The following FAM53B variants were observed in gnomAD, a reference collection of about 807,000 sequenced individuals.
FAM53B encodes the protein protein FAM53B.
FAM53B carries 12 observed loss-of-function variants against 32.7 expected under a neutral mutation model. That is an observed-to-expected ratio of 0.37 (90% confidence interval 0.24 to 0.59). FAM53B has a LOEUF of 0.59. Among genes scored for constraint, FAM53B ranks in the 20% least tolerant of loss-of-function variants. The pLI, the probability that FAM53B is intolerant of heterozygous loss-of-function variation, is 0.72. For missense variants in FAM53B, 477 were observed against 577.7 expected, an observed-to-expected ratio of 0.83 and a Z score of 1.79; for synonymous variants, 234 against 228.7, an observed-to-expected ratio of 1.02 and a Z score of -0.21.
At position 124,654,785 on chromosome 10, in the gene FAM53B, A is replaced by G. The variant is rs1338979948; in HGVS notation, c.906+26822T>C. On this transcript the variant is annotated intron_variant, in intron 4 of 4. Transcript: ENST00000337318. ...GGGACCTTCTGCTCCCCCAGCTCTG[A>G]GTCCCTGGGTTTGTGAGCAGGCCCC... Among the ~76,000 whole-genome samples, 2 of 152,114 alleles carry G rather than the reference A, an allele frequency of 1.3e-5. 1 individual carries two copies. The highest frequency in any genetic ancestry group is 2.9e-5 in the Non-Finnish European group (2 of 68,002).
chr10:124,670,168 AC>A (rs1000004500), intron 4 of FAM53B, among the ~76,000 whole-genome samples: 1 of 150,204 alleles, frequency 6.7e-6, no homozygotes, highest in African/African-American at 2.4e-5. Context: ...GACACTCATC[AC>A]CATGAGAGGC....
At chr10:124,669,352 G>T (rs1159990232) in intron 4 of FAM53B, among the ~76,000 whole-genome samples, 3 of 152,186 alleles carry the variant, frequency 2.0e-5, no homozygotes, top group African/African-American at 7.2e-5. Context: ...GAACTAAAGC[G>T]CTCTTCCAGA....
chr10:124,684,137 A>G (rs1037030467), intron 3 of FAM53B, among the ~76,000 whole-genome samples: 6 of 152,270 alleles, frequency 3.9e-5, no homozygotes, highest in African/African-American at 1.4e-4. Context: ...GGACACTGGT[A>G]GAACTGTCCA....
chr10:124,650,189 G>A (rs916849368), intron 4 of FAM53B, among the ~76,000 whole-genome samples: 3 of 152,178 alleles, frequency 2.0e-5, no homozygotes, highest in Admixed American at 2.0e-4. Flanking sequence ...TGTAGGCTGT[G>A]CCCTGCTCCC....
intron 1 of FAM53B, among the ~76,000 whole-genome samples, chr10:124,715,046 C>G (rs905802357): frequency 4.6e-5 from 7 of 152,206 alleles, no homozygotes; most frequent in Non-Finnish European, 1.0e-4. Flanking sequence ...TCTGTCTTAA[C>G]CCCTGGACCC....
chr10:124,708,259 C>A (rs1949975087), intron 1 of FAM53B, among the ~76,000 whole-genome samples: 5 of 152,164 alleles, frequency 3.3e-5, no homozygotes, highest in Non-Finnish European at 7.4e-5. Flanking sequence ...GATTGTAAAT[C>A]ATGTTTTCCT....
intron 1 of FAM53B, among the ~76,000 whole-genome samples, chr10:124,736,365 G>C (rs770252992): frequency 6.6e-6 from 1 of 152,206 alleles, no homozygotes; most frequent in Non-Finnish European, 1.5e-5. Context: ...GCCACAGAGG[G>C]GCTTCCCCGC....
At chr10:124,629,763 T>A (rs1231989779) in intron 4 of FAM53B, among the ~76,000 whole-genome samples, 3 of 152,206 alleles carry the variant, frequency 2.0e-5, no homozygotes, top group African/African-American at 4.8e-5. Flanking sequence ...CTAGGCTTTT[T>A]AAAAAACTAT....
chr10:124,709,785 G>A (rs1447065761), intron 1 of FAM53B, among the ~76,000 whole-genome samples: 1 of 151,718 alleles, frequency 6.6e-6, no homozygotes, highest in Non-Finnish European at 1.5e-5. Flanking sequence ...AAGTGACAAA[G>A]GCAAGAAGAG....
In FAM53B at chr10:124,682,088, T is replaced by A; in HGVS notation, c.425A>T (p.Glu142Val). 6.2e-7 allele frequency: 1 copy of A among 1,613,770 alleles called. No individual in the cohort carries two copies. Among genetic ancestry groups the A allele is most frequent in the South Asian group, 1.1e-5 (1 of 91,064 alleles). The change falls in exon 4 of 5, where the codon GAA becomes GTA. Residue 142 changes from glutamate (E) to valine (V), a missense_variant. Transcript: ENST00000337318. This position sits in a 1 kb window ranked among gnomAD's most constrained non-coding sequence, Gnocchi z 5.2. ...PLGSKVWTPVEKRRCYSGGSV... is the reference protein window; with the variant it reads ...PLGSKVWTPVVKRRCYSGGSV... The stretch of plus-strand genomic sequence containing the variant: ...GCCCCCGCTGTAGCAGCGTCTCTTT[T>A]CCACGGGAGTCCAGACTTTGGAGCC...
intron 3 of FAM53B, among the ~76,000 whole-genome samples, chr10:124,694,579 A>G (rs535416561): frequency 2.4e-4 from 36 of 152,320 alleles, no homozygotes; most frequent in African/African-American, 8.4e-4. Context: ...GTTGACAGCT[A>G]AAGCCTAGGC....
chr10:124,642,189 C>T (rs61870502), intron 4 of FAM53B, among the ~76,000 whole-genome samples: 10,422 of 152,326 alleles, frequency 0.068, 508 homozygotes, highest in Non-Finnish European at 0.11. Context: ...TTCTGTCTCT[C>T]ACCCTCAAGA....
At chr10:124,667,892 C>T (rs1949682882) in intron 4 of FAM53B, among the ~76,000 whole-genome samples, 1 of 152,188 alleles carries the variant, frequency 6.6e-6, no homozygotes, top group Non-Finnish European at 1.5e-5. Flanking sequence ...CCTCATCAGG[C>T]TGCTTCACTC....
chr10:124,706,749 T>G lies in FAM53B; in HGVS notation c.-36A>C, dbSNP rs772412016. 3.7e-6 allele frequency: 6 copies of G among 1,613,734 alleles called. No individual in the cohort carries two copies. In the East Asian group the frequency reaches 1.3e-4, roughly 36 times the overall value. ...TCAGGCGCTGGGCTCCATCCCAGGGTGGGTATCAGCCATCTTCACTTGGGC... is the reference window on the plus strand; with the variant it reads ...TCAGGCGCTGGGCTCCATCCCAGGGGGGGTATCAGCCATCTTCACTTGGGC... On this transcript the variant is annotated 5_prime_UTR_variant, in exon 2 of 5. Coordinates refer to ENST00000337318, the MANE Select transcript of FAM53B (RefSeq NM_014661.4).
intron 4 of FAM53B, among the ~76,000 whole-genome samples, chr10:124,645,913 C>T (rs1949510066): frequency 6.6e-6 from 1 of 152,210 alleles, no homozygotes; most frequent in Admixed American, 6.5e-5. Flanking sequence ...AGCTCCACCC[C>T]ACACTGCATG....
At chr10:124,667,664 G>A (rs766928112) in intron 4 of FAM53B, among the ~76,000 whole-genome samples, 1 of 152,184 alleles carries the variant, frequency 6.6e-6, no homozygotes, top group Non-Finnish European at 1.5e-5. Flanking sequence ...TCCCAGCCCC[G>A]CCCGGGGTCA....
At position 124,623,248 on chromosome 10, in the gene FAM53B, C is replaced by A; in HGVS notation, c.1263G>T (p.Lys421Asn). The A allele has an allele frequency of 6.3e-7, 1 of 1,597,824 alleles. No individual in the cohort carries two copies. Among genetic ancestry groups the A allele is most frequent in the Non-Finnish European group, 8.5e-7 (1 of 1,171,636 alleles). The stretch of plus-strand genomic sequence containing the variant: ...TGCCTGGGCCCACACCCCCTCAGTT[C>A]TTCTCTATCTGCTCAATGTCCAACT... ...DGELDIEQIE[K>N]N Residue 421 changes from lysine to asparagine, a missense_variant, in exon 5 of 5, where the codon AAG (lysine) becomes AAT (asparagine). By Grantham distance (94) the Lys-to-Asn change is moderately conservative. Transcript: ENST00000337318.
intron 1 of FAM53B, among the ~76,000 whole-genome samples, chr10:124,741,430 TGAG>T (rs1222171639): frequency 6.6e-6 from 1 of 152,198 alleles, no homozygotes; most frequent in Non-Finnish European, 1.5e-5. Context: ...GAGCGGTGGG[TGAG>T]AAGAGTGTGC....
intron 4 of FAM53B, among the ~76,000 whole-genome samples, chr10:124,626,729 T>G (rs1949358449): frequency 6.6e-6 from 1 of 152,266 alleles, no homozygotes; most frequent in Non-Finnish European, 1.5e-5. Flanking sequence ...GCACGGGCAC[T>G]GGAGACCCAT....
Sources: allele counts gnomAD v4.1 joint callset (sites outside exome capture counted in the v4.1 genomes callset), GRCh38; gene constraint gnomAD v4.1.1; non-coding constraint Gnocchi (gnomAD v3.1); transcripts MANE v1.5; gene names NCBI Gene and HGNC (gene_info 2026-07-23, HGNC 2026-07-21).